Variants in INPP5F observed in about 807,000 individuals in gnomAD.
INPP5F encodes phosphatidylinositide 4-phosphatase SAC2.
A neutral mutation model predicts 137.2 loss-of-function variants in INPP5F; 97 were observed. The ratio of observed to expected loss-of-function variants is 0.71; its 90% CI spans 0.60 to 0.84. The LOEUF (loss-of-function observed/expected upper bound fraction) is 0.84, where lower values mean the gene tolerates loss of function less well. INPP5F is among the 40% of genes least tolerant of loss of function. INPP5F has a pLI of 0.00. For missense variants in INPP5F, 1,271 were observed against 1,371.9 expected (o/e 0.93, Z 1.16); for synonymous variants, 504 against 476.9 (o/e 1.06, Z -0.74).
chr10:119,793,332 G>T (rs1850213783), intron 6 of INPP5F, among the ~76,000 whole-genome samples: 1 of 152,186 alleles, frequency 6.6e-6, no homozygotes, highest in Non-Finnish European at 1.5e-5. Context: ...AATGCAGGTA[G>T]ATCCTTTACC....
chr10:119,812,665 G>A (rs941280159), intron 15 of INPP5F, among the ~76,000 whole-genome samples: 73 of 152,090 alleles, frequency 4.8e-4, no homozygotes, highest in Non-Finnish European at 8.8e-5. Context: ...GTATTAAAAG[G>A]AATAAAAAAC....
At chr10:119,803,037 C>G (rs1021457815) in intron 9 of INPP5F, among the ~76,000 whole-genome samples, 1 of 151,992 alleles carries the variant, frequency 6.6e-6, no homozygotes, top group Non-Finnish European at 1.5e-5. Context: ...TGTGGATTTT[C>G]TCTGTATCCT....
chr10:119,796,621 TA>T (rs1336559950), intron 6 of INPP5F, 93 bp from the exon 7 acceptor site: 10 of 988,690 alleles, frequency 1.0e-5, no homozygotes, highest in Non-Finnish European at 1.6e-5. Context: ...CTGCTTCTAA[TA>T]AACTGAGAAA....
At position 119,797,627 on chromosome 10, in the gene INPP5F, G is replaced by A. The variant is rs138895463; in HGVS notation, c.1035G>A (p.Pro345=). 111 of 1,609,656 alleles carry A rather than the reference G, an allele frequency of 6.9e-5. No homozygotes were observed. The highest frequency in any genetic ancestry group is 1.6e-4 in the Middle Eastern group (1 of 6,066). ...TTGGGTATCGATATAACCCAAGACC[G>A]CGGCTGGACAGAAGTAAGCAGGTCA... ...SQVGYRYNPR[P]RLDRSEKETV... Residue 345 remains proline (P), a synonymous_variant, in exon 8 of 20, where the codon CCG becomes CCA. Transcript: ENST00000650623.
chr10:119,792,961 T>C (rs1225579525), intron 6 of INPP5F, among the ~76,000 whole-genome samples: 2 of 152,200 alleles, frequency 1.3e-5, no homozygotes, highest in Non-Finnish European at 2.9e-5. Context: ...ATCAATGATT[T>C]TCACATAATC....
Position 119,796,793 on chromosome 10 carries a change from G to A in INPP5F, c.748G>A (p.Glu250Lys), listed in dbSNP as rs766859366. Residue 250 changes from glutamate to lysine, a missense_variant, in exon 7 of 20, where the codon GAA becomes AAA. By Grantham distance (56) the Glu-to-Lys change is moderately conservative. Around this residue, in one of 6 missense-constraint regions of INPP5F, gnomAD observed 593 missense variants for 712.4 expected, o/e 0.83. Coordinates refer to ENST00000650623, the MANE Select transcript of INPP5F (RefSeq NM_014937.4). ...TGAAGAACTTGTGGTTAATTATACC[G>A]AATCATCTGATGATGAGAAAAGCAG... Reference protein sequence around the residue: ...QIEELVVNYTESSDDEKSSPE... With the variant: ...QIEELVVNYTKSSDDEKSSPE... The A allele has an allele frequency of 4.3e-5, 69 of 1,612,964 alleles. No individual in the cohort carries two copies. Among genetic ancestry groups the A allele is most frequent in the Admixed American group, 2.7e-4 (16 of 59,890 alleles).
At chr10:119,797,349 C>A in intron 7 of INPP5F, 112 bp from the exon 8 acceptor site, 1 of 839,946 alleles carries the variant, frequency 1.2e-6, no homozygotes, top group Non-Finnish European at 1.8e-6. Flanking sequence ...CAGTTGCACA[C>A]TGAATCCCCA....
chr10:119,815,706 C>T (rs575046305), intron 15 of INPP5F: 30 of 256,864 alleles, frequency 1.2e-4, no homozygotes, highest in South Asian at 7.9e-4. Context: ...GAGGGAATGA[C>T]GTGTTAATTG....
At chr10:119,793,291 C>G (rs916840539) in intron 6 of INPP5F, among the ~76,000 whole-genome samples, 1 of 152,134 alleles carries the variant, frequency 6.6e-6, no homozygotes, top group Non-Finnish European at 1.5e-5. Flanking sequence ...ATTGCTAGAA[C>G]AGAAATACAA....
intron 1 of INPP5F, among the ~76,000 whole-genome samples, chr10:119,743,275 C>T (rs1848430197): frequency 6.6e-6 from 1 of 152,036 alleles, no homozygotes; most frequent in Non-Finnish European, 1.5e-5. Context: ...CCCCTTTCTA[C>T]ATCATATGTT....
Position 119,791,574 on chromosome 10 carries a change from G to C in INPP5F, c.373G>C (p.Asp125His). The C allele has an allele frequency of 6.2e-7, 1 of 1,602,160 alleles. No homozygotes were observed. The highest frequency in any genetic ancestry group is 8.5e-7 in the Non-Finnish European group (1 of 1,169,922). ...ACCAGAGAAGATCATACCATCTCCT[G>C]ATGACTCAAAGTTTCTACTGAAGAC... The part of the protein sequence containing the change: ...NKPEKIIPSP[D>H]DSKFLLKTFT... Residue 125 changes from aspartate (D) to histidine (H), a missense_variant, in exon 4 of 20, where the codon GAT becomes CAT. By Grantham distance (81) the Asp-to-His change is moderately conservative. Coordinates refer to ENST00000650623, the MANE Select transcript of INPP5F (RefSeq NM_014937.4).
At chr10:119,772,927 T>G (rs36063779) in intron 2 of INPP5F, among the ~76,000 whole-genome samples, 6,333 of 151,954 alleles carry the variant, frequency 0.042, 238 homozygotes, top group South Asian at 0.22. Flanking sequence ...TTTTTGTATT[T>G]TTAATAGAGA....
At chr10:119,779,594 A>AT (rs1225415486) in intron 2 of INPP5F, among the ~76,000 whole-genome samples, 2 of 151,528 alleles carry the variant, frequency 1.3e-5, no homozygotes, top group Admixed American at 6.6e-5. Flanking sequence ...TAATTCTTTA[A>AT]TTTTTTGTAG....
chr10:119,743,140 CT>C (rs2068471514), intron 1 of INPP5F, among the ~76,000 whole-genome samples: 1 of 152,344 alleles, frequency 6.6e-6, no homozygotes, highest in Admixed American at 6.5e-5. Context: ...GATGACTTGA[CT>C]TTTGCCACCT....
chr10:119,804,086 A>G (rs551959471), intron 9 of INPP5F, 87 bp from the exon 10 acceptor site: 2 of 915,094 alleles, frequency 2.2e-6, no homozygotes, highest in Admixed American at 5.3e-5. Context: ...TAAAAACCAC[A>G]CTGTGATTCT....
intron 1 of INPP5F, among the ~76,000 whole-genome samples, chr10:119,743,191 T>C (rs1328154108): frequency 1.3e-5 from 2 of 152,230 alleles, no homozygotes; most frequent in East Asian, 3.9e-4. Flanking sequence ...GTGATGACTT[T>C]AGCTTTTGCC....
intron 1 of INPP5F, among the ~76,000 whole-genome samples, chr10:119,747,209 T>C (rs1480291897): frequency 6.6e-6 from 1 of 152,120 alleles, no homozygotes; most frequent in Non-Finnish European, 1.5e-5. Flanking sequence ...AAATTCTAAA[T>C]TTTTAACTCA....
chr10:119,814,928 C>T (rs572888149), intron 15 of INPP5F, among the ~76,000 whole-genome samples: 30 of 152,086 alleles, frequency 2.0e-4, no homozygotes, highest in Admixed American at 3.9e-4. Context: ...TGCAGTGGCG[C>T]GATCTCGGCT....
intron 2 of INPP5F, among the ~76,000 whole-genome samples, chr10:119,761,462 C>T (rs957243575): frequency 2.0e-5 from 3 of 152,096 alleles, no homozygotes; most frequent in East Asian, 1.9e-4. Context: ...CCAGCACTGG[C>T]GTGGTGGTAG....
Sources: allele counts gnomAD v4.1 joint callset (sites outside exome capture counted in the v4.1 genomes callset), GRCh38; gene constraint gnomAD v4.1.1; regional missense constraint gnomAD v4.1.1; transcripts MANE v1.5; gene names NCBI Gene and HGNC (gene_info 2026-07-23, HGNC 2026-07-21).